Variants in C2CD3 observed in about 807,000 individuals in gnomAD.
C2CD3 encodes C2 domain-containing protein 3.
In C2CD3, 148 loss-of-function variants were observed where a neutral mutation model predicts 234.0. The observed-to-expected ratio is 0.63, with a 90% CI of 0.55 to 0.72. The LOEUF is 0.72. C2CD3 is among the 30% of genes least tolerant of loss of function. The pLI is 0.00. For missense variants in C2CD3, 2,577 were observed against 2,811.5 expected, an observed-to-expected ratio of 0.92 and a Z score of 1.89; for synonymous variants, 1,000 against 1,035.4, an observed-to-expected ratio of 0.97 and a Z score of 0.66.
At chr11:74,145,809 T>TC (rs1462732011) in intron 3 of C2CD3, among the ~76,000 whole-genome samples, 1 of 152,146 alleles carries the variant, frequency 6.6e-6, no homozygotes, top group Non-Finnish European at 1.5e-5. Context: ...GGAAGTCCTT[T>TC]CCCCCAAATT....
chr11:74,074,292 T>C lies in C2CD3; in HGVS notation c.4912A>G (p.Ser1638Gly), dbSNP rs757918915. ...PADLDGTFAV[S>G]ILVERAMHLS... ...TGCATTGCTCTTTCTACTAGGATGC[T>C]GACTGCAAACGTTCCATCCAAATCA... Residue 1638 changes from serine to glycine, a missense_variant, in exon 24 of 33, where the codon AGC becomes GGC. Transcript: ENST00000334126. 6.2e-7 allele frequency: 1 copy of C among 1,614,198 alleles called. No homozygotes were observed. The highest frequency in any genetic ancestry group is 1.7e-5 in the Admixed American group (1 of 60,032).
In C2CD3 at chr11:74,107,322, T is replaced by TCTCACACACACA. The variant is rs948551188; in HGVS notation, c.1963-830_1963-829insTGTGTGTGTGAG. 1.5e-3 allele frequency among the ~76,000 whole-genome samples: 224 copies of TCTCACACACACA among 146,614 alleles called. 1 individual carries two copies. The highest frequency in any genetic ancestry group is 5.5e-3 in the African/African-American group (219 of 39,766). On this transcript the variant is annotated intron_variant, in intron 12 of 32. Transcript: ENST00000334126. ...CCTGGGCAACAAGAATGAAACTGTG[T>TCTCACACACACA]CACACACACACACACACACACACAC...
At chr11:74,128,847 A>G (rs1004992902) in intron 7 of C2CD3, 3 of 240,234 alleles carry the variant, frequency 1.2e-5, no homozygotes, top group East Asian at 1.5e-4. Flanking sequence ...TGTTTCAGAG[A>G]GCACAGGGTT....
intron 29 of C2CD3, among the ~76,000 whole-genome samples, chr11:74,040,748 C>G (rs1287654910): frequency 6.6e-6 from 1 of 151,782 alleles, no homozygotes; most frequent in African/African-American, 2.4e-5. Flanking sequence ...AGTGCGAGAC[C>G]CCATCTCAAG....
chr11:74,113,679 C>CAAAAAAAAAAA, intron 11 of C2CD3, 101 bp downstream of exon 11: 4 of 479,884 alleles, frequency 8.3e-6, no homozygotes, highest in East Asian at 3.8e-5. Flanking sequence ...GACTCCATGT[C>CAAAAAAAAAAA]AAAAAAAAAA....
chr11:74,049,012 T>G (rs1467104996), intron 27 of C2CD3, among the ~76,000 whole-genome samples: 1 of 152,178 alleles, frequency 6.6e-6, no homozygotes, highest in African/African-American at 2.4e-5. Context: ...TGTAACAGAG[T>G]TGAAAAACAA....
At chr11:74,117,117 T>TATATATATATGA (rs1957026701) in intron 9 of C2CD3, among the ~76,000 whole-genome samples, 1 of 10,374 alleles carries the variant, frequency 9.6e-5, no homozygotes, top group Non-Finnish European at 2.1e-4. Flanking sequence ...TATATATGAA[T>TATATATATATGA]ATATATATAT....
At chr11:74,046,888 A>T (rs1317398440) in intron 28 of C2CD3, among the ~76,000 whole-genome samples, 1 of 152,248 alleles carries the variant, frequency 6.6e-6, no homozygotes, top group Non-Finnish European at 1.5e-5. Flanking sequence ...AAGTATTATT[A>T]GTAATAAAAC....
intron 3 of C2CD3, among the ~76,000 whole-genome samples, chr11:74,160,877 A>G (rs1856411444): frequency 6.6e-6 from 1 of 152,234 alleles, no homozygotes; most frequent in South Asian, 2.1e-4. Flanking sequence ...TCACGCGTCA[A>G]TTAGAAATAA....
chr11:74,077,115 T>C (rs375300066), intron 23 of C2CD3, among the ~76,000 whole-genome samples: 25 of 152,258 alleles, frequency 1.6e-4, no homozygotes, highest in Middle Eastern at 3.4e-3. Flanking sequence ...TATTACCATA[T>C]AGATTTTCTT....
At chr11:74,082,955 T>C (rs1241119336) in intron 22 of C2CD3, among the ~76,000 whole-genome samples, 1 of 152,268 alleles carries the variant, frequency 6.6e-6, no homozygotes, top group East Asian at 1.9e-4. Context: ...AAAGTTCATA[T>C]GGAACCAAAA....
At chr11:74,123,242 T>C (rs1274174073) in intron 7 of C2CD3, 107 bp from the exon 8 acceptor site, 1 of 763,756 alleles carries the variant, frequency 1.3e-6, no homozygotes, top group South Asian at 1.9e-5. Flanking sequence ...AGGAGATATG[T>C]TAAACAAAAG....
intron 28 of C2CD3, 78 bp downstream of exon 28, chr11:74,048,127 A>G: frequency 6.9e-7 from 1 of 1,457,702 alleles, no homozygotes; most frequent in Non-Finnish European, 9.4e-7. Flanking sequence ...CTAATAAAGG[A>G]AAGAGAGAAA....
intron 15 of C2CD3, among the ~76,000 whole-genome samples, chr11:74,098,978 C>T (rs961355284): frequency 5.9e-5 from 9 of 152,174 alleles, no homozygotes; most frequent in African/African-American, 1.2e-4. Flanking sequence ...TAGGACTAAA[C>T]TGAGATAACA....
At chr11:74,085,020 G>A (rs574613510) in intron 21 of C2CD3, 50 bp from the exon 22 acceptor site, 7 of 1,053,208 alleles carry the variant, frequency 6.6e-6, no homozygotes, top group Non-Finnish European at 1.0e-5. Flanking sequence ...TATTCATCAA[G>A]GGGCTAGTTT....
At chr11:74,029,343 C>T (rs1173161190) in intron 31 of C2CD3, among the ~76,000 whole-genome samples, 1 of 152,234 alleles carries the variant, frequency 6.6e-6, no homozygotes, top group Non-Finnish European at 1.5e-5. Context: ...CTCTAAACTT[C>T]AAGAAGGCAG....
chr11:74,133,578 A>G, intron 5 of C2CD3, 21 bp from the exon 6 acceptor site: 9 of 1,612,668 alleles, frequency 5.6e-6, no homozygotes, highest in Non-Finnish European at 7.6e-6. Flanking sequence ...TAAATGCAGA[A>G]AACAGAAAAA....
intron 26 of C2CD3, among the ~76,000 whole-genome samples, chr11:74,050,418 C>T (rs1418646678): frequency 1.3e-5 from 2 of 152,190 alleles, no homozygotes; most frequent in African/African-American, 4.8e-5. Flanking sequence ...GGACAAGCTA[C>T]CATGCAATGA....
In C2CD3 at chr11:74,124,297, A is replaced by G. The variant is rs1590873893; in HGVS notation, c.1218-1162T>C. 2.6e-5 allele frequency among the ~76,000 whole-genome samples: 4 copies of G among 152,190 alleles called. No homozygotes were observed. The East Asian group carries it at 7.7e-4, about 29-fold the overall frequency. ...CCTTAATTTCTCAAGAAAATAGTAT[A>G]TAATCACTACCTTCAAATTAGACAG... On this transcript the variant is annotated intron_variant, in intron 7 of 32. Coordinates refer to ENST00000334126, the MANE Select transcript of C2CD3 (RefSeq NM_001286577.2).
Sources: gnomAD v4.1 joint callset for allele counts (sites outside exome capture counted in the v4.1 genomes callset) on GRCh38, gnomAD v4.1.1 for gene constraint, MANE v1.5 for transcripts, NCBI Gene and HGNC (gene_info 2026-07-23, HGNC 2026-07-21) for gene names.